Variants in DCC observed in about 807,000 individuals in gnomAD.
DCC encodes netrin receptor DCC.
A neutral mutation model predicts 172.5 loss-of-function variants in DCC; 58 were observed. The observed-to-expected ratio is 0.34, with a 90% CI of 0.27 to 0.42. The LOEUF is 0.42. Among genes scored for constraint, DCC ranks in the 10% least tolerant of loss-of-function variants. DCC has a pLI of 1.00. For synonymous variants in DCC, 709 were observed against 644.5 expected (o/e 1.10, Z -1.52); for missense variants, 1,740 against 1,791.0 (o/e 0.97, Z 0.51).
intron 2 of DCC, among the ~76,000 whole-genome samples, chr18:52,777,969 T>C (rs568641514): frequency 1.3e-5 from 2 of 151,992 alleles, no homozygotes; most frequent in East Asian, 3.9e-4. Flanking sequence ...TTATCTAATC[T>C]TGATAGAAGG....
chr18:52,820,631 C>A (rs928044444), intron 2 of DCC, among the ~76,000 whole-genome samples: 2 of 151,984 alleles, frequency 1.3e-5, no homozygotes, highest in South Asian at 2.1e-4. Context: ...AACAAGGGGC[C>A]GACCAGAAAT....
chr18:53,394,330 C>T (rs1050371003), intron 17 of DCC, among the ~76,000 whole-genome samples: 1 of 152,138 alleles, frequency 6.6e-6, no homozygotes, highest in Admixed American at 6.5e-5. Flanking sequence ...AGAAATTCCT[C>T]ATTAAACTAG....
In DCC at chr18:52,783,115, C is replaced by T. The variant is rs536277454; in HGVS notation, c.412+30741C>T. Among the ~76,000 whole-genome samples the T allele has an allele frequency of 1.3e-3, 197 of 151,562 alleles. 1 individual carries two copies. The highest frequency in any genetic ancestry group is 4.5e-3 in the African/African-American group (188 of 41,376). ...AAACTACCAATACTTTCAGAGGAAG[C>T]ATAGTCTTAGACTCTATTTATCATT... On this transcript the variant is annotated intron_variant, in intron 2 of 28. Coordinates refer to ENST00000442544, the MANE Select transcript of DCC (RefSeq NM_005215.4).
At chr18:52,593,821 C>A (rs2033851649) in intron 1 of DCC, among the ~76,000 whole-genome samples, 2 of 152,180 alleles carry the variant, frequency 1.3e-5, no homozygotes, top group South Asian at 4.1e-4. Flanking sequence ...TGGCAATTGT[C>A]CCCTGAGGGG....
chr18:53,438,290 T>C (rs1912073919), intron 22 of DCC, among the ~76,000 whole-genome samples: 1 of 152,210 alleles, frequency 6.6e-6, no homozygotes, highest in African/African-American at 2.4e-5. Flanking sequence ...CCTATAGGTT[T>C]CAACCACTAC....
At chr18:53,378,623 T>C (rs1907486988) in intron 15 of DCC, among the ~76,000 whole-genome samples, 1 of 152,252 alleles carries the variant, frequency 6.6e-6, no homozygotes, top group Non-Finnish European at 1.5e-5. Context: ...TTTCTGTGTC[T>C]CATACATTCA....
At chr18:52,455,481 C>T (rs1389406515) in intron 1 of DCC, among the ~76,000 whole-genome samples, 1 of 152,188 alleles carries the variant, frequency 6.6e-6, no homozygotes, top group Admixed American at 6.5e-5. Flanking sequence ...GCTACATGAC[C>T]TGGAACAATG....
intron 1 of DCC, among the ~76,000 whole-genome samples, chr18:52,361,125 T>C (rs16954761): frequency 0.1 from 15,180 of 152,272 alleles, 1,224 homozygotes; most frequent in African/African-American, 0.23. Flanking sequence ...TCTCAAACTT[T>C]AATATACATT....
intron 1 of DCC, among the ~76,000 whole-genome samples, chr18:52,676,142 G>A (rs531070396): frequency 6.6e-6 from 1 of 152,272 alleles, no homozygotes; most frequent in South Asian, 2.1e-4. Flanking sequence ...AATGGAACAG[G>A]AAACAGGAAG....
chr18:52,989,324 A>G (rs2041345155), intron 5 of DCC, among the ~76,000 whole-genome samples: 1 of 152,128 alleles, frequency 6.6e-6, no homozygotes, highest in Admixed American at 6.5e-5. Flanking sequence ...GGAGTTCAAG[A>G]CCAGTCTGGT....
intron 7 of DCC, among the ~76,000 whole-genome samples, chr18:53,089,288 G>C (rs188153355): frequency 1.3e-5 from 2 of 152,060 alleles, no homozygotes; most frequent in South Asian, 2.1e-4. Context: ...GTTTCACCTT[G>C]TTGGCCAGGC....
chr18:52,574,178 G>A (rs2033361107), intron 1 of DCC, among the ~76,000 whole-genome samples: 1 of 152,128 alleles, frequency 6.6e-6, no homozygotes, highest in Admixed American at 6.5e-5. Context: ...AAATGTAAAA[G>A]TATATTGATT....
chr18:52,941,442 G>A (rs573835083), intron 5 of DCC, among the ~76,000 whole-genome samples: 12 of 151,678 alleles, frequency 7.9e-5, no homozygotes, highest in South Asian at 6.2e-4. Context: ...GACTAATACC[G>A]TATTATAGTT....
intron 9 of DCC, among the ~76,000 whole-genome samples, chr18:53,182,903 C>T (rs1012494163): frequency 1.9e-4 from 29 of 152,050 alleles, no homozygotes; most frequent in Admixed American, 1.6e-3. Context: ...TTTATGACTT[C>T]GCTAGACTAT....
intron 27 of DCC, among the ~76,000 whole-genome samples, chr18:53,520,891 G>C (rs1040713796): frequency 6.6e-6 from 1 of 151,978 alleles, no homozygotes; most frequent in Non-Finnish European, 1.5e-5. Flanking sequence ...TCAAGGAAAG[G>C]AAAGAAAAAT....
At chr18:52,652,439 C>T (rs1043429143) in intron 1 of DCC, among the ~76,000 whole-genome samples, 1 of 152,036 alleles carries the variant, frequency 6.6e-6, no homozygotes, top group Admixed American at 6.6e-5. Context: ...TTTTTCAATA[C>T]AGTCATTGGA....
intron 13 of DCC, among the ~76,000 whole-genome samples, chr18:53,308,788 A>G (rs562437896): frequency 1.8e-4 from 27 of 152,316 alleles, no homozygotes; most frequent in African/African-American, 6.3e-4. Flanking sequence ...AAAACAAAAT[A>G]CCACGAATTT....
chr18:53,205,454 C>A, intron 10 of DCC, 90 bp downstream of exon 10: 1 of 1,297,268 alleles, frequency 7.7e-7, no homozygotes, highest in Non-Finnish European at 1.1e-6. Context: ...GGAAAAGACT[C>A]GCAAACTCTT....
chr18:53,062,146 TAATA>T (rs2042503951), intron 5 of DCC, among the ~76,000 whole-genome samples: 1 of 152,038 alleles, frequency 6.6e-6, no homozygotes, highest in Admixed American at 6.6e-5. Context: ...ATCAGGGAAA[TAATA>T]AAGAAAGAGA....
Sources: allele counts gnomAD v4.1 joint callset (sites outside exome capture counted in the v4.1 genomes callset), GRCh38; gene constraint gnomAD v4.1.1; transcripts MANE v1.5; gene names NCBI Gene and HGNC (gene_info 2026-07-23, HGNC 2026-07-21).